The following ZFP37 variants were observed in gnomAD, a reference collection of about 807,000 sequenced individuals.
ZFP37 encodes zinc finger protein 37 homolog.
Under a neutral mutation model 52.1 loss-of-function variants are expected in ZFP37, and 38 were observed. The observed-to-expected ratio is 0.73, with a 90% CI of 0.56 to 0.96. The LOEUF (loss-of-function observed/expected upper bound fraction) is 0.96, where lower values mean the gene tolerates loss of function less well. ZFP37 is among the 40% of genes least tolerant of loss of function. The pLI, the probability that ZFP37 is intolerant of heterozygous loss-of-function variation, is 0.00. For synonymous variants in ZFP37, 253 were observed against 259.5 expected (o/e 0.98, Z 0.24); for missense variants, 695 against 741.4 (o/e 0.94, Z 0.73).
rs554646797 is a variant in ZFP37 at position 113,044,258 on chromosome 9, T to G, written c.360A>C (p.Lys120Asn). 1.3e-6 allele frequency: 2 copies of G among 1,558,066 alleles called. No homozygotes were observed. The highest frequency in any genetic ancestry group is 1.7e-6 in the Non-Finnish European group (2 of 1,160,986). The change falls in exon 4 of 4, where the codon AAA becomes AAC. Residue 120 changes from lysine (K) to asparagine (N), a missense_variant. Physicochemically the swap from Lys to Asn is moderately conservative, Grantham distance 94. This residue lies in a region of ZFP37 where 369 missense variants were observed against 340.9 expected (regional missense o/e 1.08). Coordinates refer to ENST00000374227, the MANE Select transcript of ZFP37 (RefSeq NM_003408.3). The part of the protein sequence containing the change: ...KQKETDGKVQ[K>N]DDDQLENIQK... ...GGATATTTTCAAGCTGGTCATCATC[T>G]TTCTGGACTTCTAAAATGGAATTCA... is the stretch of plus-strand genomic sequence containing the variant.
In ZFP37 at chr9:113,042,918, T is replaced by A; in HGVS notation, c.1700A>T (p.His567Leu). The change falls in exon 4 of 4, where the codon CAT (histidine) becomes CTT (leucine). Residue 567 changes from histidine to leucine, a missense_variant. Coordinates refer to ENST00000374227, the MANE Select transcript of ZFP37 (RefSeq NM_003408.3). ...KSHLIVHQRT[H>L]TGEKPYECNE... is the part of the protein sequence containing the mutation. ...ACATTCATAAGGTTTCTCCCCAGTA[T>A]GAGTTCTCTGATGTACAATGAGGTG... 1 of 1,613,928 alleles carries A rather than the reference T, an allele frequency of 6.2e-7. No homozygotes were observed. Among genetic ancestry groups the A allele is most frequent in the Non-Finnish European group, 8.5e-7 (1 of 1,179,932 alleles).
In ZFP37 at chr9:113,043,493, C is replaced by T; in HGVS notation, c.1125G>A (p.Lys375=). The stretch of plus-strand genomic sequence containing the variant: ...TCCCACATTCAGCACATTCATAGGG[C>T]TTTTCTCCAGTATGAATTCTTAGAT... ...TDHLRIHTGE[K]PYECAECGKT... The change falls in exon 4 of 4, where the codon AAG becomes AAA. Residue 375 remains lysine, a synonymous_variant. Transcript: ENST00000374227. 6.2e-7 allele frequency: 1 copy of T among 1,614,020 alleles called. No homozygotes were observed. The highest frequency in any genetic ancestry group is 8.5e-7 in the Non-Finnish European group (1 of 1,179,938).
Position 113,043,270 on chromosome 9 carries a change from T to C in ZFP37, c.1348A>G (p.Lys450Glu), listed in dbSNP as rs1828886709. ...KAFKYSSSLT[K>E]HMRIHTGEKP... Reference sequence around the variant, plus strand: ...TCACCTGTATGAATTCTCATGTGTTTAGTAAGGGATGAGCTATACTTAAAG... The same window carrying C: ...TCACCTGTATGAATTCTCATGTGTTCAGTAAGGGATGAGCTATACTTAAAG... Residue 450 changes from lysine to glutamate, a missense_variant, in exon 4 of 4, where the codon AAA (lysine) becomes GAA (glutamate). Coordinates refer to ENST00000374227, the MANE Select transcript of ZFP37 (RefSeq NM_003408.3). The C allele has an allele frequency of 1.2e-6, 2 of 1,613,954 alleles. No homozygotes were observed. The highest frequency in any genetic ancestry group is 4.5e-5 in the East Asian group (2 of 44,872).
In ZFP37 at chr9:113,049,243, C is replaced by T. The variant is rs544098365; in HGVS notation, c.349+119G>A. ...ATCTTTGTAGTTTGAAATATTCTTT[C>T]CTCAGGAAATCCTGATTTTTTCTAT... On this transcript the variant is annotated intron_variant, in intron 3 of 3. Transcript: ENST00000374227. 43 of 1,113,940 alleles carry T rather than the reference C, an allele frequency of 3.9e-5. No homozygotes were observed. In the East Asian group the frequency reaches 8.2e-4, roughly 21 times the overall value. 69.0% of individuals were successfully genotyped at this position (1,113,940 alleles called of 1,614,324 possible).
At chr9:113,046,320 T>C (rs912471659) in intron 3 of ZFP37, among the ~76,000 whole-genome samples, 2 of 151,628 alleles carry the variant, frequency 1.3e-5, no homozygotes, top group African/African-American at 4.8e-5. Context: ...GTGCAGTTGC[T>C]GGCTGCTTTT....
At chr9:113,055,919 C>T (rs1035834740) in intron 1 of ZFP37, among the ~76,000 whole-genome samples, 3 of 152,098 alleles carry the variant, frequency 2.0e-5, no homozygotes, top group Non-Finnish European at 2.9e-5. Context: ...TGCATACATC[C>T]CCAATTACCT....
chr9:113,043,005 ACT>A lies in ZFP37; in HGVS notation c.1611_1612del (p.Arg537SerfsTer9), dbSNP rs775766393. The A allele has an allele frequency of 1.9e-6, 3 of 1,613,720 alleles. No homozygotes were observed. The highest frequency in any genetic ancestry group is 2.5e-6 in the Non-Finnish European group (3 of 1,179,902). On this transcript the variant is annotated frameshift_variant, in exon 4 of 4. Transcript: ENST00000374227. LOFTEE classifies it high-confidence loss of function. The stretch of plus-strand genomic sequence containing the variant: ...CTCATACGGTTTCTCTCCAGTATGA[ACT>A]CTCTGATGTTGAGTAAGGCCTTCAA...
chr9:113,051,630 T>A (rs1016485917), intron 1 of ZFP37, among the ~76,000 whole-genome samples: 1 of 152,056 alleles, frequency 6.6e-6, no homozygotes, highest in Non-Finnish European at 1.5e-5. Flanking sequence ...ATTTTTAAAT[T>A]TTTTTGTAGA....
chr9:113,049,043 T>A (rs1829009079), intron 3 of ZFP37, among the ~76,000 whole-genome samples: 2 of 152,308 alleles, frequency 1.3e-5, no homozygotes, highest in Admixed American at 1.3e-4. Flanking sequence ...GTAACTAAAA[T>A]TTCAGGGGCT....
Position 113,041,714 on chromosome 9 carries a change from C to T in ZFP37, c.*1011G>A, listed in dbSNP as rs2118676866. ...TATATACTTTAGATTCATCATCATTCATGAATAAGCATACAAAGATTTTAA... is the reference window on the plus strand; with the variant it reads ...TATATACTTTAGATTCATCATCATTTATGAATAAGCATACAAAGATTTTAA... On this transcript the variant is annotated 3_prime_UTR_variant, in exon 4 of 4. Coordinates refer to ENST00000374227, the MANE Select transcript of ZFP37 (RefSeq NM_003408.3). The T allele has an allele frequency of 6.6e-6, 1 of 152,284 alleles. No homozygotes were observed. The highest frequency in any genetic ancestry group is 2.1e-4 in the South Asian group (1 of 4,828). The allele number at this position is 152,284 out of a possible 1,614,324, so 9.4% of individuals were successfully genotyped here. A position where few individuals can be genotyped will look rare whatever the true frequency, so the allele number is the denominator to read the frequency against.
rs1829082478 is a variant in ZFP37, at chr9:113,052,957, A to G, written c.133-3085T>C. ...CACCCAATTCACTGAAAACTTTAGCACCAGCTAAATTCCTGCCATAATGCT... is the reference window on the plus strand; with the variant it reads ...CACCCAATTCACTGAAAACTTTAGCGCCAGCTAAATTCCTGCCATAATGCT... On this transcript the variant is annotated intron_variant, in intron 1 of 3. Coordinates refer to ENST00000374227, the MANE Select transcript of ZFP37 (RefSeq NM_003408.3). This position sits in a 1 kb window ranked among gnomAD's most constrained non-coding sequence, Gnocchi z 4.1. Among the ~76,000 whole-genome samples the G allele has an allele frequency of 6.6e-6, 1 of 152,264 alleles. No homozygotes were observed. The highest frequency in any genetic ancestry group is 1.9e-4 in the East Asian group (1 of 5,190).
At position 113,056,557 on chromosome 9, in the gene ZFP37, C is replaced by T. The variant is rs1431619463; in HGVS notation, c.132G>A (p.Ala44=). ...MAVSEPEASA[A]EWKQLDPAQS... is the part of the protein sequence containing the mutation. ...CACCCTGTCTCATCACAGCTCTCAC[C>T]GCGGCGCTGGCCTCGGGCTCGGACA... The change falls in exon 1 of 4, where the codon GCG becomes GCA. Residue 44 remains alanine, a splice_region_variant and synonymous_variant. Transcript: ENST00000374227. 10 of 1,613,448 alleles carry T rather than the reference C, an allele frequency of 6.2e-6. No individual in the cohort carries two copies. Among genetic ancestry groups the T allele is most frequent in the Admixed American group, 1.7e-5 (1 of 60,016 alleles).
Position 113,038,696 on chromosome 9 carries a change from G to T in ZFP37, c.*4029C>A, listed in dbSNP as rs1338650803. On this transcript the variant is annotated 3_prime_UTR_variant, in exon 4 of 4. Coordinates refer to ENST00000374227, the MANE Select transcript of ZFP37 (RefSeq NM_003408.3). Reference sequence around the variant, plus strand: ...TACTAGGAAGGCTAAGGTGGGAGGAGTGCTTAAGCCTGGGAGGTAGAGATT... The same window carrying T: ...TACTAGGAAGGCTAAGGTGGGAGGATTGCTTAAGCCTGGGAGGTAGAGATT... The T allele has an allele frequency of 6.6e-6, 1 of 152,000 alleles. No individual in the cohort carries two copies. The highest frequency in any genetic ancestry group is 1.5e-5 in the Non-Finnish European group (1 of 68,016). 9.4% of individuals were successfully genotyped at this position (152,000 alleles called of 1,614,324 possible).
chr9:113,043,608 A>C lies in ZFP37; in HGVS notation c.1010T>G (p.Val337Gly). ...TCCGGTGTGAGTTCTCTGATGTACA[A>C]CAAGGTGTGACTTTTGGCTAAAGGC... ...GIAFSQKSHL[V>G]VHQRTHTGEK... Residue 337 changes from valine (V) to glycine (G), a missense_variant, in exon 4 of 4, where the codon GTT becomes GGT. Physicochemically the swap from Val to Gly is moderately radical, Grantham distance 109. Coordinates refer to ENST00000374227, the MANE Select transcript of ZFP37 (RefSeq NM_003408.3). The C allele has an allele frequency of 6.2e-7, 1 of 1,614,030 alleles. No homozygotes were observed. The highest frequency in any genetic ancestry group is 8.5e-7 in the Non-Finnish European group (1 of 1,179,954).
chr9:113,052,906 A>G lies in ZFP37; in HGVS notation c.133-3034T>C, dbSNP rs1240915087. Reference sequence around the variant, plus strand: ...CTAAGGATAGCAGTTTTTCACTTCTATGTTAACTCTGTTCTGCAGTCATCC... The same window carrying G: ...CTAAGGATAGCAGTTTTTCACTTCTGTGTTAACTCTGTTCTGCAGTCATCC... On this transcript the variant is annotated intron_variant, in intron 1 of 3. Coordinates refer to ENST00000374227, the MANE Select transcript of ZFP37 (RefSeq NM_003408.3). This position sits in a 1 kb window ranked among gnomAD's most constrained non-coding sequence, Gnocchi z 4.1. Among the ~76,000 whole-genome samples, 2 of 152,156 alleles carry G rather than the reference A, an allele frequency of 1.3e-5. No homozygotes were observed. Among genetic ancestry groups the G allele is most frequent in the Non-Finnish European group, 2.9e-5 (2 of 68,018 alleles).
In ZFP37 at chr9:113,043,150, T is replaced by C; in HGVS notation, c.1468A>G (p.Lys490Glu). The change falls in exon 4 of 4, where the codon AAA becomes GAA. Residue 490 changes from lysine (K) to glutamate (E), a missense_variant. Coordinates refer to ENST00000374227, the MANE Select transcript of ZFP37 (RefSeq NM_003408.3). ...QRTHTKEKPY[K>E]CNECGKAFGH... ...AAGGCTTTTCCACACTCATTACATT[T>C]ATAAGGTTTCTCCTTAGTATGAGTT... The C allele has an allele frequency of 6.2e-7, 1 of 1,613,684 alleles. No individual in the cohort carries two copies. The highest frequency in any genetic ancestry group is 8.5e-7 in the Non-Finnish European group (1 of 1,179,914).
rs1177843608 is a variant in ZFP37, at chr9:113,039,881, A to G, written c.*2844T>C. The G allele has an allele frequency of 6.6e-6, 1 of 152,238 alleles. No homozygotes were observed. The highest frequency in any genetic ancestry group is 1.9e-4 in the East Asian group (1 of 5,198). The allele number at this position is 152,238 out of a possible 1,614,324, so 9.4% of individuals were successfully genotyped here. The stretch of plus-strand genomic sequence containing the variant: ...CCATGATTTAGATTAGTGGTTCTCA[A>G]AGGGTGGTCCCCAGACCAGCAGCAC... On this transcript the variant is annotated 3_prime_UTR_variant, in exon 4 of 4. Transcript: ENST00000374227.
chr9:113,046,515 T>A (rs1328568515), intron 3 of ZFP37, among the ~76,000 whole-genome samples: 5 of 152,108 alleles, frequency 3.3e-5, no homozygotes, highest in Admixed American at 3.3e-4. Context: ...TTTACAATGA[T>A]GAATTTGGCT....
intron 3 of ZFP37, among the ~76,000 whole-genome samples, chr9:113,048,859 C>T (rs985414046): frequency 3.9e-5 from 6 of 152,070 alleles, no homozygotes; most frequent in African/African-American, 1.2e-4. Flanking sequence ...CTACAACTTC[C>T]AAGCAGTGAC....
Sources: allele counts gnomAD v4.1 joint callset (sites outside exome capture counted in the v4.1 genomes callset), GRCh38; gene constraint gnomAD v4.1.1; regional missense constraint gnomAD v4.1.1; non-coding constraint Gnocchi (gnomAD v3.1); transcripts MANE v1.5; gene names NCBI Gene and HGNC (gene_info 2026-07-23, HGNC 2026-07-21).